TCF12: variants seen among roughly 807,000 people sequenced by gnomAD.
TCF12 encodes DNA-binding protein HTF4.
Under a neutral mutation model 86.0 loss-of-function variants are expected in TCF12, and 45 were observed. The ratio of observed to expected loss-of-function variants is 0.52; its 90% CI spans 0.41 to 0.67. The LOEUF is 0.67. TCF12 is among the 30% of genes least tolerant of loss of function. The pLI, the probability that TCF12 is intolerant of heterozygous loss-of-function variation, is 0.00. For synonymous variants in TCF12, 330 were observed against 299.6 expected, an observed-to-expected ratio of 1.10 and a Z score of -1.05; for missense variants, 881 against 859.9, an observed-to-expected ratio of 1.02 and a Z score of -0.31.
At chr15:56,990,371 G>A (rs1369008816) in intron 3 of TCF12, among the ~76,000 whole-genome samples, 1 of 151,868 alleles carries the variant, frequency 6.6e-6, no homozygotes, top group Non-Finnish European at 1.5e-5. Context: ...AAAATTCAGA[G>A]TGTTTTGGCC....
At chr15:57,161,006 C>T (rs1204403661) in intron 5 of TCF12, among the ~76,000 whole-genome samples, 1 of 152,046 alleles carries the variant, frequency 6.6e-6, no homozygotes. Context: ...TTGTGTCTTA[C>T]TCATCTCCTA....
chr15:57,244,913 G>A (rs961732573), intron 13 of TCF12, among the ~76,000 whole-genome samples: 5 of 151,996 alleles, frequency 3.3e-5, no homozygotes, highest in African/African-American at 1.2e-4. Context: ...ATATAAAAAT[G>A]TTTAATATCT....
chr15:56,947,828 G>A (rs2061077488), intron 3 of TCF12, among the ~76,000 whole-genome samples: 1 of 152,184 alleles, frequency 6.6e-6, no homozygotes, highest in African/African-American at 2.4e-5. Context: ...TATCTGGTCA[G>A]GTATTACAAT....
chr15:57,110,265 G>C (rs944601641), intron 5 of TCF12, among the ~76,000 whole-genome samples: 3 of 151,810 alleles, frequency 2.0e-5, no homozygotes, highest in African/African-American at 7.3e-5. Flanking sequence ...GTTCATCTGA[G>C]TATTAAGATT....
chr15:57,170,754 A>T lies in TCF12; in HGVS notation c.390+4288A>T, dbSNP rs1456243644. 4.0e-4 allele frequency among the ~76,000 whole-genome samples: 18 copies of T among 44,536 alleles called. No individual in the cohort carries two copies. The East Asian group carries it at 4.6e-3, about 11-fold the overall frequency. The allele number at this position is 44,536 out of a possible 152,430, so 29.2% of individuals were successfully genotyped here. A position where few individuals can be genotyped will look rare whatever the true frequency, so the allele number is the denominator to read the frequency against. On this transcript the variant is annotated intron_variant, in intron 6 of 20. Coordinates refer to ENST00000333725, the MANE Select transcript of TCF12 (RefSeq NM_207037.2). The stretch of plus-strand genomic sequence containing the variant: ...TTATATATAATATATATTATATATT[A>T]TATATTATATATATATTATATATAA...
In TCF12 at chr15:57,219,032, G is replaced by C. The variant is rs547100680; in HGVS notation, c.580-12120G>C. The C allele has an allele frequency of 1.6e-5, 17 of 1,045,700 alleles. No individual in the cohort carries two copies. In the Admixed American group the frequency reaches 7.7e-4, roughly 48 times the overall value. 64.8% of individuals were successfully genotyped at this position (1,045,700 alleles called of 1,614,324 possible). On this transcript the variant is annotated intron_variant, in intron 8 of 20. Coordinates refer to ENST00000333725, the MANE Select transcript of TCF12 (RefSeq NM_207037.2). The stretch of plus-strand genomic sequence containing the variant: ...ACTTGATCATGTGTTTATCAAAGTT[G>C]AAGCAACTTTAGACCATGGCAGATG...
intron 17 of TCF12, 29 bp from the exon 18 acceptor site, chr15:57,263,078 CTTTTA>C (rs779042552): frequency 3.2e-6 from 5 of 1,576,892 alleles, no homozygotes; most frequent in South Asian, 1.2e-5. Flanking sequence ...TGAGTCTCGT[CTTTTA>C]TTTTATCTTT....
At chr15:57,124,663 C>G (rs1320041404) in intron 5 of TCF12, among the ~76,000 whole-genome samples, 1 of 152,066 alleles carries the variant, frequency 6.6e-6, no homozygotes, top group Non-Finnish European at 1.5e-5. Context: ...TGGCTTGACT[C>G]TCAAAAATAT....
intron 4 of TCF12, among the ~76,000 whole-genome samples, chr15:57,083,852 A>G (rs1166949313): frequency 6.6e-6 from 1 of 152,284 alleles, no homozygotes; most frequent in Middle Eastern, 3.4e-3. Context: ...AAGTATTGGG[A>G]TTACAGGTGT....
intron 8 of TCF12, among the ~76,000 whole-genome samples, chr15:57,223,654 T>TTGTTTTTTTTTG (rs56405255): frequency 1.5e-5 from 2 of 129,964 alleles, no homozygotes; most frequent in Non-Finnish European, 3.3e-5. Flanking sequence ...TTTTTTTTTT[T>TTGTTTTTTTTTG]TTTTTTTTTT....
In TCF12 at chr15:57,197,837, T is replaced by C. The variant is rs1422186006; in HGVS notation, c.579+12T>C. The stretch of plus-strand genomic sequence containing the variant: ...GTTTGCCTTCTTCTGTAAGTACCTA[T>C]CTTTTTTTAACTTGATGGTAAACAA... On this transcript the variant is annotated intron_variant, in intron 8 of 20. Coordinates refer to ENST00000333725, the MANE Select transcript of TCF12 (RefSeq NM_207037.2). 3 of 1,613,188 alleles carry C rather than the reference T, an allele frequency of 1.9e-6. No homozygotes were observed. The highest frequency in any genetic ancestry group is 1.7e-5 in the Admixed American group (1 of 59,762).
intron 4 of TCF12, among the ~76,000 whole-genome samples, chr15:57,065,304 T>C (rs1361287951): frequency 6.6e-6 from 1 of 152,212 alleles, no homozygotes; most frequent in Non-Finnish European, 1.5e-5. Context: ...TTGGACACAC[T>C]ATTTTTGTCT....
At chr15:57,123,926 G>GC (rs1366820563) in intron 5 of TCF12, among the ~76,000 whole-genome samples, 1 of 141,198 alleles carries the variant, frequency 7.1e-6, no homozygotes, top group Non-Finnish European at 1.5e-5. Context: ...GCCGAGATGC[G>GC]CCACTGCACT....
chr15:57,290,232 A>C (rs1359913792), downstream of TCF12, among the ~76,000 whole-genome samples: 15 of 151,928 alleles, frequency 9.9e-5, no homozygotes, highest in African/African-American at 3.6e-4. Flanking sequence ...AATCCAAGCT[A>C]CTTGGAAGGC....
intron 8 of TCF12, among the ~76,000 whole-genome samples, chr15:57,212,885 C>T (rs1194654472): frequency 6.6e-5 from 10 of 152,162 alleles, no homozygotes; most frequent in Admixed American, 2.0e-4. Flanking sequence ...AGTGCTCTTT[C>T]GCGTTACATG....
intron 3 of TCF12, among the ~76,000 whole-genome samples, chr15:56,960,954 A>G (rs1378516260): frequency 4.0e-5 from 6 of 151,508 alleles, no homozygotes; most frequent in African/African-American, 7.3e-5. Context: ...AGCCTGGCCA[A>G]CCTGGTGAAA....
intron 3 of TCF12, among the ~76,000 whole-genome samples, chr15:56,986,804 G>A (rs1045575825): frequency 1.3e-5 from 2 of 152,148 alleles, no homozygotes; most frequent in Non-Finnish European, 2.9e-5. Flanking sequence ...TGTAAGATGT[G>A]TTGTTAACCT....
intron 5 of TCF12, among the ~76,000 whole-genome samples, chr15:57,092,293 A>T (rs544410093): frequency 6.6e-6 from 1 of 152,186 alleles, no homozygotes; most frequent in Non-Finnish European, 1.5e-5. Flanking sequence ...CTTTACTTGC[A>T]TTGGACAATA....
intron 3 of TCF12, among the ~76,000 whole-genome samples, chr15:57,006,851 G>T (rs931319432): frequency 1.6e-4 from 24 of 151,976 alleles, no homozygotes; most frequent in Admixed American, 7.2e-4. Flanking sequence ...GGAGGCAGAG[G>T]GTTGCAGTGA....
Sources: allele counts gnomAD v4.1 joint callset (sites outside exome capture counted in the v4.1 genomes callset), GRCh38; gene constraint gnomAD v4.1.1; transcripts MANE v1.5; gene names NCBI Gene and HGNC (gene_info 2026-07-23, HGNC 2026-07-21).